MAP4K4: variants seen among roughly 807,000 people sequenced by gnomAD.
MAP4K4 encodes HPK/GCK-like kinase HGK.
Under a neutral mutation model 189.6 loss-of-function variants are expected in MAP4K4, and 38 were observed. That is an observed-to-expected ratio of 0.20 (90% CI 0.15 to 0.26). The LOEUF (loss-of-function observed/expected upper bound fraction) is 0.26, where lower values mean the gene tolerates loss of function less well. MAP4K4 is among the 10% of genes least tolerant of loss of function. The pLI, the probability that MAP4K4 is intolerant of heterozygous loss-of-function variation, is 1.00. For synonymous variants in MAP4K4, 610 were observed against 624.3 expected (o/e 0.98, Z 0.34); for missense variants, 1,054 against 1,726.9 (o/e 0.61, Z 6.91).
intron 2 of MAP4K4, among the ~76,000 whole-genome samples, chr2:101,715,862 T>C (rs1356612624): frequency 6.6e-6 from 1 of 152,168 alleles, no homozygotes; most frequent in Non-Finnish European, 1.5e-5. Flanking sequence ...TTATAGCCGC[T>C]CCCCATTGGT....
At chr2:101,724,044 C>T (rs2053801167) in intron 2 of MAP4K4, among the ~76,000 whole-genome samples, 1 of 152,186 alleles carries the variant, frequency 6.6e-6, no homozygotes, top group Non-Finnish European at 1.5e-5. Context: ...TTCCCTAAGG[C>T]TTCTTAGCTG....
At chr2:101,736,570 T>G (rs542523226) in intron 2 of MAP4K4, among the ~76,000 whole-genome samples, 1 of 152,380 alleles carries the variant, frequency 6.6e-6, no homozygotes, top group South Asian at 2.1e-4. Flanking sequence ...GGCATGTAGC[T>G]GATCCTTATG....
intron 2 of MAP4K4, among the ~76,000 whole-genome samples, chr2:101,713,512 C>A (rs2046749605): frequency 1.3e-5 from 2 of 151,164 alleles, no homozygotes; most frequent in African/African-American, 4.9e-5. Context: ...ATGAGAATTG[C>A]TTGAACTCAG....
At chr2:101,870,473 T>G in intron 23 of MAP4K4, 58 bp downstream of exon 23, 2 of 1,600,302 alleles carry the variant, frequency 1.2e-6, no homozygotes, top group African/African-American at 1.3e-5. Flanking sequence ...ATTAACCCAC[T>G]TGCTCATTCA....
intron 2 of MAP4K4, among the ~76,000 whole-genome samples, chr2:101,716,546 G>C (rs1048994106): frequency 2.0e-5 from 3 of 152,074 alleles, no homozygotes; most frequent in Non-Finnish European, 4.4e-5. Flanking sequence ...GTTTTCATGG[G>C]GTTTAAAGAA....
intron 4 of MAP4K4, 21 bp from the exon 5 acceptor site, chr2:101,825,298 T>G (rs767789353): frequency 1.3e-6 from 2 of 1,498,048 alleles, no homozygotes; most frequent in Admixed American, 3.5e-5. Context: ...TTGCTCACCT[T>G]GTGTCTTGTC....
intron 12 of MAP4K4, among the ~76,000 whole-genome samples, chr2:101,851,724 C>CTTTTTTTTTTTTTTTTTTTTTTTTTTT (rs36217584): frequency 4.4e-5 from 3 of 67,900 alleles, no homozygotes; most frequent in African/African-American, 7.6e-5. Context: ...TAACTGTCCT[C>CTTTTTTTTTTTTTTTTTTTTTTTTTTT]TTTTTTTTTT....
intron 2 of MAP4K4, among the ~76,000 whole-genome samples, chr2:101,731,692 A>C (rs2058571594): frequency 6.6e-6 from 1 of 150,978 alleles, no homozygotes; most frequent in Admixed American, 6.6e-5. Flanking sequence ...TCAAGGCTAC[A>C]GTGAGTCGTG....
At chr2:101,774,160 C>T (rs916390261) in intron 2 of MAP4K4, among the ~76,000 whole-genome samples, 1 of 152,288 alleles carries the variant, frequency 6.6e-6, no homozygotes, top group African/African-American at 2.4e-5. Flanking sequence ...AGTAGTTGTA[C>T]TAGTTTACGT....
chr2:101,771,514 G>C (rs2081406293), intron 2 of MAP4K4, among the ~76,000 whole-genome samples: 1 of 152,122 alleles, frequency 6.6e-6, no homozygotes, highest in Non-Finnish European at 1.5e-5. Context: ...GTTTTCCTCT[G>C]AACCAGCTGC....
intron 2 of MAP4K4, among the ~76,000 whole-genome samples, chr2:101,734,377 C>G (rs1256542768): frequency 6.6e-6 from 1 of 152,150 alleles, no homozygotes; most frequent in Non-Finnish European, 1.5e-5. Flanking sequence ...ACAGATAAAT[C>G]CAAGGCACAT....
chr2:101,840,257 G>A (rs766258324), intron 10 of MAP4K4, among the ~76,000 whole-genome samples: 16 of 152,192 alleles, frequency 1.1e-4, no homozygotes, highest in South Asian at 2.1e-4. Context: ...CGAGGGTCAC[G>A]TTGTTGCTGC....
At chr2:101,751,171 A>G (rs1206882930) in intron 2 of MAP4K4, among the ~76,000 whole-genome samples, 1 of 152,224 alleles carries the variant, frequency 6.6e-6, no homozygotes, top group African/African-American at 2.4e-5. Context: ...TAAAGAATTC[A>G]GTGTTCAACA....
At chr2:101,761,336 A>G (rs929782899) in intron 2 of MAP4K4, among the ~76,000 whole-genome samples, 2 of 152,024 alleles carry the variant, frequency 1.3e-5, no homozygotes, top group Non-Finnish European at 1.5e-5. Flanking sequence ...TTTTTATGAT[A>G]GTGTAGATTG....
At chr2:101,787,574 C>T (rs2091761369) in intron 2 of MAP4K4, among the ~76,000 whole-genome samples, 1 of 152,108 alleles carries the variant, frequency 6.6e-6, no homozygotes, top group Non-Finnish European at 1.5e-5. Context: ...TATATTCCCT[C>T]TTGGGTGGTA....
intron 4 of MAP4K4, 94 bp from the exon 5 acceptor site, chr2:101,825,225 T>C: frequency 1.5e-6 from 1 of 669,928 alleles, no homozygotes; most frequent in Admixed American, 2.9e-5. Flanking sequence ...ATCACGTTTC[T>C]AGGTCTTTAG....
intron 2 of MAP4K4, among the ~76,000 whole-genome samples, chr2:101,728,979 C>G (rs2056995103): frequency 6.6e-6 from 1 of 151,916 alleles, no homozygotes. Flanking sequence ...GAGTGTTGCA[C>G]AAATGTTCAG....
intron 2 of MAP4K4, among the ~76,000 whole-genome samples, chr2:101,739,692 A>G (rs2061809605): frequency 6.6e-6 from 1 of 152,256 alleles, no homozygotes; most frequent in Admixed American, 6.5e-5. Flanking sequence ...GGTAGATAGA[A>G]GAATTTCCAG....
At chr2:101,817,660 A>AAT (rs1239608590) in intron 3 of MAP4K4, among the ~76,000 whole-genome samples, 1 of 152,172 alleles carries the variant, frequency 6.6e-6, no homozygotes, top group African/African-American at 2.4e-5. Context: ...TGTGTGTAGT[A>AAT]AAAGTTCTAT....
Sources: allele counts gnomAD v4.1 joint callset (sites outside exome capture counted in the v4.1 genomes callset), GRCh38; gene constraint gnomAD v4.1.1; transcripts MANE v1.5; gene names NCBI Gene and HGNC (gene_info 2026-07-23, HGNC 2026-07-21).